The following FKBP1A variants were observed in gnomAD, a reference collection of about 807,000 sequenced individuals.
The protein encoded by FKBP1A is peptidyl-prolyl cis-trans isomerase FKBP1A.
In FKBP1A, 5 loss-of-function variants were observed where a neutral mutation model predicts 14.2. That is an observed-to-expected ratio of 0.35 (90% CI 0.18 to 0.74). FKBP1A has a LOEUF of 0.74. Among genes scored for constraint, FKBP1A ranks in the 30% least tolerant of loss-of-function variants. FKBP1A has a pLI of 0.56. For missense variants in FKBP1A, 53 were observed against 138.8 expected (o/e 0.38, Z 3.10); for synonymous variants, 42 against 49.1 (o/e 0.86, Z 0.60).
At chr20:1,370,474 G>A in intron 4 of FKBP1A, 3 of 974,724 alleles carry the variant, frequency 3.1e-6, no homozygotes, top group Non-Finnish European at 3.7e-6. Context: ...CTGGTTTAGG[G>A]TTTGACCTGG....
intron 2 of FKBP1A, among the ~76,000 whole-genome samples, chr20:1,380,369 T>C (rs988311064): frequency 2.6e-5 from 4 of 152,216 alleles, no homozygotes; most frequent in African/African-American, 9.6e-5. Context: ...TCTCAGTGCA[T>C]GTATCTGAGC....
At chr20:1,370,657 C>A (rs2089451868) in intron 4 of FKBP1A, 2 of 985,412 alleles carry the variant, frequency 2.0e-6, no homozygotes, top group African/African-American at 1.7e-5. Flanking sequence ...CAGACTCTTG[C>A]AAGAAGCTGA....
Position 1,375,469 on chromosome 20 carries a change from CAA to C in FKBP1A, c.198+20_198+21del. On this transcript the variant is annotated intron_variant, in intron 3 of 4. Transcript: ENST00000400137. Reference sequence around the variant, plus strand: ...AAAAGGTAAATACTAGAAAGCAAAACAAAACAAATGAGAGAGCATACCTGGGC... The same window carrying C: ...AAAAGGTAAATACTAGAAAGCAAAACAACAAATGAGAGAGCATACCTGGGC... The C allele has an allele frequency of 6.4e-7, 1 of 1,554,046 alleles. No individual in the cohort carries two copies. Among genetic ancestry groups the C allele is most frequent in the Non-Finnish European group, 8.9e-7 (1 of 1,125,888 alleles).
At chr20:1,391,131 G>A (rs2089731074) in intron 2 of FKBP1A, among the ~76,000 whole-genome samples, 1 of 152,196 alleles carries the variant, frequency 6.6e-6, no homozygotes, top group South Asian at 2.1e-4. Flanking sequence ...AGCATGAGGG[G>A]CAGACGTGGG....
At chr20:1,370,691 G>A (rs2089452434) in intron 4 of FKBP1A, 4 of 985,312 alleles carry the variant, frequency 4.1e-6, no homozygotes, top group Admixed American at 6.1e-5. Context: ...AGTGGGTTGG[G>A]AGGGTTACTC....
intron 4 of FKBP1A, 106 bp downstream of exon 4, chr20:1,371,970 A>G (rs1024899647): frequency 6.8e-7 from 1 of 1,480,630 alleles, no homozygotes; most frequent in African/African-American, 1.4e-5. Flanking sequence ...CAGGGGGAAA[A>G]ATAGCCTTGT....
intron 2 of FKBP1A, among the ~76,000 whole-genome samples, chr20:1,382,676 G>T (rs974204612): frequency 1.3e-5 from 2 of 152,184 alleles, no homozygotes; most frequent in Non-Finnish European, 2.9e-5. Context: ...ACAAGAATAT[G>T]AGGGGTAATC....
At position 1,370,040 on chromosome 20, in the gene FKBP1A, T is replaced by G. The variant is rs1259197422; in HGVS notation, c.*69A>C. ...AGCTCCATATGGATTCATGTGCACA[T>G]GTCTGGAGGCACCAGATCCCTCCAT... On this transcript the variant is annotated 3_prime_UTR_variant, in exon 5 of 5. Transcript: ENST00000400137. 5 of 1,550,092 alleles carry G rather than the reference T, an allele frequency of 3.2e-6. No homozygotes were observed. The African/African-American group carries it at 6.8e-5, about 21-fold the overall frequency.
chr20:1,392,756 C>T (rs1182719921), intron 2 of FKBP1A, 78 bp downstream of exon 2: 25 of 1,141,498 alleles, frequency 2.2e-5, no homozygotes, highest in Non-Finnish European at 2.9e-5. Context: ...GGCCCCGGGC[C>T]CCCAGGCCTC....
chr20:1,392,205 G>A (rs760449437), intron 2 of FKBP1A, among the ~76,000 whole-genome samples: 4 of 152,206 alleles, frequency 2.6e-5, no homozygotes, highest in African/African-American at 4.8e-5. Flanking sequence ...GGATTTGTAA[G>A]TGGCTCAAAA....
rs568888186 is a variant in FKBP1A at position 1,386,558 on chromosome 20, A to G, written c.85+6276T>C. On this transcript the variant is annotated intron_variant, in intron 2 of 4. Coordinates refer to ENST00000400137, the MANE Select transcript of FKBP1A (RefSeq NM_000801.5). The surrounding 1 kb of genome is among the most constrained non-coding windows in gnomAD (Gnocchi z 4.7). The stretch of plus-strand genomic sequence containing the variant: ...GGGGGCTAAGAAAATAGATGGGTGC[A>G]TTGTTGCAGAATTAGAAGCATGCAT... Among the ~76,000 whole-genome samples, 41 of 152,366 alleles carry G rather than the reference A, an allele frequency of 2.7e-4. No individual in the cohort carries two copies. Among genetic ancestry groups the G allele is most frequent in the African/African-American group, 9.6e-4 (40 of 41,588 alleles).
At chr20:1,372,924 T>A (rs1248279315) in intron 3 of FKBP1A, among the ~76,000 whole-genome samples, 1 of 152,250 alleles carries the variant, frequency 6.6e-6, no homozygotes, top group Non-Finnish European at 1.5e-5. Flanking sequence ...AAAAATATAT[T>A]TGTGTATATT....
chr20:1,369,600 G>A lies in FKBP1A; in HGVS notation c.*509C>T, dbSNP rs1448753937. On this transcript the variant is annotated 3_prime_UTR_variant, in exon 5 of 5. Transcript: ENST00000400137. ...ACCCAAAGACATCTCTCAACTTGGA[G>A]AGTAATTCAGTCCTCAACAGCGCCT... 6.0e-6 allele frequency: 1 copy of A among 167,964 alleles called. No homozygotes were observed. 10.4% of individuals were successfully genotyped at this position (167,964 alleles called of 1,614,324 possible).
chr20:1,373,507 A>G (rs897910585), intron 3 of FKBP1A, among the ~76,000 whole-genome samples: 3 of 152,242 alleles, frequency 2.0e-5, no homozygotes, highest in Admixed American at 6.5e-5. Context: ...CTGTGTTTTT[A>G]ACTCACTTGG....
rs1406850145 is a variant in FKBP1A, at chr20:1,386,792, A to G, written c.85+6042T>C. On this transcript the variant is annotated intron_variant, in intron 2 of 4. Coordinates refer to ENST00000400137, the MANE Select transcript of FKBP1A (RefSeq NM_000801.5). The surrounding 1 kb of genome is among the most constrained non-coding windows in gnomAD (Gnocchi z 4.7). ...AAATGTAACAGAAAGAGACAGTAGC[A>G]TCTAAGAACTGGTTATTTCTACCTC... Among the ~76,000 whole-genome samples, 1 of 152,214 alleles carries G rather than the reference A, an allele frequency of 6.6e-6. No individual in the cohort carries two copies. Among genetic ancestry groups the G allele is most frequent in the East Asian group, 1.9e-4 (1 of 5,194 alleles).
At chr20:1,375,220 G>T in intron 3 of FKBP1A, 1 of 571,328 alleles carries the variant, frequency 1.8e-6, no homozygotes, top group South Asian at 2.3e-5. Context: ...TAGTGGTATT[G>T]CAAGTGTCAA....
At chr20:1,370,426 T>A in intron 4 of FKBP1A, 1 of 975,868 alleles carries the variant, frequency 1.0e-6, no homozygotes, top group Non-Finnish European at 1.2e-6. Flanking sequence ...TTTAAAAAAC[T>A]CTTAATGCCT....
chr20:1,381,906 T>G (rs1000632733), intron 2 of FKBP1A, among the ~76,000 whole-genome samples: 9 of 152,146 alleles, frequency 5.9e-5, no homozygotes, highest in Non-Finnish European at 1.0e-4. Flanking sequence ...CAGTAGTTGT[T>G]AGAGGAGGGT....
intron 2 of FKBP1A, among the ~76,000 whole-genome samples, chr20:1,384,211 T>C (rs1380835587): frequency 2.0e-5 from 3 of 152,178 alleles, no homozygotes; most frequent in Admixed American, 2.0e-4. Flanking sequence ...TAGCTATATT[T>C]ACTGTGTAAA....
Sources: allele counts gnomAD v4.1 joint callset (sites outside exome capture counted in the v4.1 genomes callset), GRCh38; gene constraint gnomAD v4.1.1; non-coding constraint Gnocchi (gnomAD v3.1); transcripts MANE v1.5; gene names NCBI Gene and HGNC (gene_info 2026-07-23, HGNC 2026-07-21).